SLC25A33: variants seen among roughly 807,000 people sequenced by gnomAD.
The protein encoded by SLC25A33 is bone marrow stromal cell mitochondrial carrier protein.
In SLC25A33, 15 loss-of-function variants were observed where a neutral mutation model predicts 35.5. The ratio of observed to expected loss-of-function variants is 0.42; its 90% CI spans 0.28 to 0.65. The LOEUF (loss-of-function observed/expected upper bound fraction) is 0.65, where lower values mean the gene tolerates loss of function less well. Ranked by LOEUF, SLC25A33 falls within the 30% of genes least tolerant of loss-of-function variation. The pLI is 0.20. For synonymous variants in SLC25A33, 136 were observed against 148.7 expected (o/e 0.91, Z 0.62); for missense variants, 257 against 398.5 (o/e 0.64, Z 3.02).
At chr1:9,542,057 A>C (rs1435866039) in intron 1 of SLC25A33, among the ~76,000 whole-genome samples, 1 of 152,120 alleles carries the variant, frequency 6.6e-6, no homozygotes, top group East Asian at 1.9e-4. Flanking sequence ...CGGCCTCCCA[A>C]AGTGCTGGGA....
At chr1:9,546,406 G>A (rs993417740) in intron 1 of SLC25A33, among the ~76,000 whole-genome samples, 6 of 151,824 alleles carry the variant, frequency 4.0e-5, no homozygotes, top group African/African-American at 1.4e-4. Context: ...GGATGGTCTC[G>A]ATCTCCTGAC....
At chr1:9,561,567 G>A (rs776965303) in intron 2 of SLC25A33, among the ~76,000 whole-genome samples, 9 of 152,182 alleles carry the variant, frequency 5.9e-5, no homozygotes, top group Admixed American at 1.3e-4. Context: ...ATCAAGCTAG[G>A]TTAGAAGTTT....
At chr1:9,552,356 C>T (rs777776957) in intron 1 of SLC25A33, among the ~76,000 whole-genome samples, 37 of 152,028 alleles carry the variant, frequency 2.4e-4, no homozygotes, top group Non-Finnish European at 8.8e-5. Context: ...GCTGGAATTA[C>T]AGGCATTACA....
chr1:9,575,102 A>G (rs1256628598), intron 5 of SLC25A33, among the ~76,000 whole-genome samples: 4 of 150,556 alleles, frequency 2.7e-5, no homozygotes, highest in African/African-American at 9.8e-5. Context: ...AGTCCCAGCT[A>G]CTTGGGAGAC....
chr1:9,551,576 T>C (rs1479285229), intron 1 of SLC25A33, among the ~76,000 whole-genome samples: 1 of 152,220 alleles, frequency 6.6e-6, no homozygotes, highest in African/African-American at 2.4e-5. Flanking sequence ...CAGGCGGAGA[T>C]GCTGGTGCTC....
At chr1:9,564,735 AAAAAATAT>A (rs1451653676) in intron 2 of SLC25A33, among the ~76,000 whole-genome samples, 8 of 69,496 alleles carry the variant, frequency 1.2e-4, no homozygotes, top group South Asian at 1.7e-3. Flanking sequence ...TAAAAAAAAA[AAAAAATAT>A]ATATATATAT....
chr1:9,552,715 A>G (rs1643282948), intron 1 of SLC25A33, among the ~76,000 whole-genome samples: 2 of 152,144 alleles, frequency 1.3e-5, no homozygotes, highest in Admixed American at 6.6e-5. Context: ...AAATTGGTTA[A>G]TATCTTATCA....
intron 1 of SLC25A33, among the ~76,000 whole-genome samples, chr1:9,550,011 A>ATATATATAT (rs754618497): frequency 4.7e-4 from 23 of 48,870 alleles, no homozygotes; most frequent in Admixed American, 7.2e-4. Flanking sequence ...ATATATATAT[A>ATATATATAT]TTTTTTTTTT....
intron 1 of SLC25A33, among the ~76,000 whole-genome samples, chr1:9,540,271 ATGCT>A (rs1428496222): frequency 3.9e-5 from 6 of 152,260 alleles, no homozygotes; most frequent in African/African-American, 9.6e-5. Flanking sequence ...GTGAACGGTG[ATGCT>A]TGCGGCCACA....
At chr1:9,577,046 G>A (rs1643669946) in intron 5 of SLC25A33, 2 of 737,656 alleles carry the variant, frequency 2.7e-6, no homozygotes, top group Non-Finnish European at 4.5e-6. Context: ...ACCTATTGGT[G>A]ATATTTAAAT....
At chr1:9,556,736 C>A (rs568706130) in intron 2 of SLC25A33, among the ~76,000 whole-genome samples, 38 of 150,818 alleles carry the variant, frequency 2.5e-4, no homozygotes, top group African/African-American at 9.3e-4. Context: ...TGTATCTGTT[C>A]CCTCCCCTCA....
intron 2 of SLC25A33, among the ~76,000 whole-genome samples, chr1:9,554,994 A>C (rs970741180): frequency 3.3e-5 from 5 of 152,020 alleles, no homozygotes; most frequent in African/African-American, 1.2e-4. Context: ...GGGCAAGAGT[A>C]TGTTCAAGAA....
intron 1 of SLC25A33, among the ~76,000 whole-genome samples, chr1:9,545,107 A>C (rs1005862454): frequency 3.9e-5 from 6 of 152,226 alleles, no homozygotes; most frequent in African/African-American, 1.4e-4. Flanking sequence ...TTAGAAGGTT[A>C]ACTGTATCTT....
chr1:9,564,805 TC>T (rs1466251460), intron 2 of SLC25A33, among the ~76,000 whole-genome samples: 1 of 147,296 alleles, frequency 6.8e-6, no homozygotes, highest in Non-Finnish European at 1.5e-5. Flanking sequence ...TCACCTGTAA[TC>T]CTAGCTACTG....
intron 1 of SLC25A33, among the ~76,000 whole-genome samples, chr1:9,540,029 C>G (rs1270000196): frequency 6.6e-6 from 1 of 152,150 alleles, no homozygotes; most frequent in African/African-American, 2.4e-5. Context: ...TCTGAAGAGT[C>G]AGTGGCCGGT....
chr1:9,570,715 T>G (rs1038203449), intron 4 of SLC25A33, among the ~76,000 whole-genome samples: 1 of 145,126 alleles, frequency 6.9e-6, no homozygotes, highest in Non-Finnish European at 1.5e-5. Flanking sequence ...TTTTTTTTTT[T>G]TTTTTTTTTT....
At chr1:9,570,708 T>G (rs922647386) in intron 4 of SLC25A33, among the ~76,000 whole-genome samples, 4 of 143,130 alleles carry the variant, frequency 2.8e-5, no homozygotes, top group African/African-American at 5.1e-5. Context: ...TATAGTTTTT[T>G]TTTTTTTTTT....
At chr1:9,542,345 G>T (rs1643097412) in intron 1 of SLC25A33, among the ~76,000 whole-genome samples, 1 of 152,094 alleles carries the variant, frequency 6.6e-6, no homozygotes, top group South Asian at 2.1e-4. Flanking sequence ...AGTTCATTAG[G>T]GTGGCGCCTG....
Position 9,556,620 on chromosome 1 carries a change from T to A in SLC25A33, c.236+2815T>A, listed in dbSNP as rs530903597. 1.2e-4 allele frequency among the ~76,000 whole-genome samples: 19 copies of A among 152,284 alleles called. 1 individual carries two copies. In the East Asian group the frequency reaches 3.3e-3, roughly 26 times the overall value. ...GATTTTAGAACATTTTGGATTCTTA[T>A]GGCTTTCTAATCTCCAGTAAATCCA... is the stretch of plus-strand genomic sequence containing the variant. On this transcript the variant is annotated intron_variant, in intron 2 of 6. Transcript: ENST00000302692.
Sources: gnomAD v4.1 joint callset for allele counts (sites outside exome capture counted in the v4.1 genomes callset) on GRCh38, gnomAD v4.1.1 for gene constraint, MANE v1.5 for transcripts, NCBI Gene and HGNC (gene_info 2026-07-23, HGNC 2026-07-21) for gene names.